The following CROCC2 variants were observed in gnomAD, a reference collection of about 807,000 sequenced individuals.
CROCC2 encodes the protein ciliary rootlet coiled-coil protein 2.
A neutral mutation model predicts 177.6 loss-of-function variants in CROCC2; 163 were observed. The ratio of observed to expected loss-of-function variants is 0.92; its 90% confidence interval spans 0.81 to 1.05. The LOEUF is 1.05. CROCC2 is among the 50% of genes least tolerant of loss of function. CROCC2 has a pLI of 0.00. For missense variants in CROCC2, 1,929 were observed against 1,797.8 expected, an observed-to-expected ratio of 1.07 and a Z score of -1.32; for synonymous variants, 904 against 787.3, an observed-to-expected ratio of 1.15 and a Z score of -2.48.
At chr2:240,987,761 C>A (rs959126010) in intron 28 of CROCC2, among the ~76,000 whole-genome samples, 1 of 152,188 alleles carries the variant, frequency 6.6e-6, no homozygotes, top group Non-Finnish European at 1.5e-5. Context: ...AGGCTGTCAC[C>A]CCTGTGGACA....
In CROCC2 at chr2:240,983,605, A is replaced by G. The variant is rs1160963019; in HGVS notation, c.4551+576A>G. On this transcript the variant is annotated intron_variant, in intron 28 of 31. Coordinates refer to ENST00000690015, the MANE Select transcript of CROCC2 (RefSeq NM_001351305.2). ...TAGGCGGCAGCGGTGGTCCTTAGAGAGGAAGGAGGAGCTCCTGGCTGGGGT... is the reference window on the plus strand; with the variant it reads ...TAGGCGGCAGCGGTGGTCCTTAGAGGGGAAGGAGGAGCTCCTGGCTGGGGT... The G allele has an allele frequency of 3.9e-6, 5 of 1,284,028 alleles. No homozygotes were observed. The Admixed American group carries it at 6.9e-5, about 18-fold the overall frequency. The allele number at this position is 1,284,028 out of a possible 1,614,324, so 79.5% of individuals were successfully genotyped here. A position where few individuals can be genotyped will look rare whatever the true frequency, so the allele number is the denominator to read the frequency against.
intron 2 of CROCC2, among the ~76,000 whole-genome samples, chr2:240,919,737 T>C (rs1410413344): frequency 7.8e-6 from 1 of 128,136 alleles, no homozygotes; most frequent in Non-Finnish European, 1.6e-5. Context: ...TGGGCCTGGG[T>C]CTGCATTGGG....
intron 7 of CROCC2, among the ~76,000 whole-genome samples, 174 bp downstream of exon 7, chr2:240,931,302 G>A (rs1394471730): frequency 2.6e-5 from 4 of 152,222 alleles, no homozygotes; most frequent in Non-Finnish European, 5.9e-5. Flanking sequence ...TGGCTGCAGG[G>A]CACTCCCCTA....
chr2:240,933,466 C>T (rs941645364), intron 10 of CROCC2, 124 bp downstream of exon 10: 3 of 1,168,804 alleles, frequency 2.6e-6, no homozygotes, highest in African/African-American at 3.1e-5. Context: ...GGGTCCTTGC[C>T]TTCTAGCAGA....
intron 18 of CROCC2, among the ~76,000 whole-genome samples, chr2:240,952,765 T>C (rs1327009505): frequency 2.0e-5 from 3 of 152,076 alleles, no homozygotes; most frequent in Non-Finnish European, 4.4e-5. Flanking sequence ...AGCCAGTGGA[T>C]GTTCTTGAGC....
At chr2:240,957,129 T>C (rs1407111919) in intron 19 of CROCC2, among the ~76,000 whole-genome samples, 1 of 152,110 alleles carries the variant, frequency 6.6e-6, no homozygotes, top group Non-Finnish European at 1.5e-5. Flanking sequence ...CTCCTCTCCT[T>C]GCCAGGAACA....
At chr2:240,916,492 C>T (rs1294881503) in intron 1 of CROCC2, among the ~76,000 whole-genome samples, 2 of 99,518 alleles carry the variant, frequency 2.0e-5, no homozygotes, top group African/African-American at 8.0e-5. Flanking sequence ...CCCCCGCGCC[C>T]CCTGCGCTCC....
At chr2:240,919,677 A>G in intron 2 of CROCC2, among the ~76,000 whole-genome samples, 1 of 152,074 alleles carries the variant, frequency 6.6e-6, no homozygotes, top group East Asian at 1.9e-4. Context: ...GCGAGTGCCC[A>G]GCGTCCAGGC....
Position 240,917,010 on chromosome 2 carries a change from C to T in CROCC2, c.79-1716C>T, listed in dbSNP as rs2059325394. On this transcript the variant is annotated intron_variant, in intron 1 of 31. Transcript: ENST00000690015. This position sits in a 1 kb window ranked among gnomAD's most constrained non-coding sequence, Gnocchi z 4.9. The stretch of plus-strand genomic sequence containing the variant: ...GGAGGAGGAGCAGGGACTTCCCTCC[C>T]CCTCCCCCACTGGGCTGCTGCTCCC... 6.6e-6 allele frequency among the ~76,000 whole-genome samples: 1 copy of T among 152,172 alleles called. No homozygotes were observed. Among genetic ancestry groups the T allele is most frequent in the Non-Finnish European group, 1.5e-5 (1 of 67,994 alleles).
At chr2:240,922,742 T>C in intron 4 of CROCC2, 97 bp downstream of exon 4, 1 of 480,304 alleles carries the variant, frequency 2.1e-6, no homozygotes, top group African/African-American at 2.0e-5. Context: ...CTGACAGCTC[T>C]TCCCAAAGCA....
intron 1 of CROCC2, among the ~76,000 whole-genome samples, chr2:240,907,797 T>C (rs2059266407): frequency 1.5e-5 from 2 of 133,186 alleles, no homozygotes; most frequent in African/African-American, 5.7e-5. Context: ...CCACCTGGGG[T>C]GAGCTCTACC....
intron 31 of CROCC2, 68 bp from the exon 32 acceptor site, chr2:240,992,998 C>G (rs1377880113): frequency 1.4e-6 from 1 of 707,652 alleles, no homozygotes; most frequent in Non-Finnish European, 2.6e-6. Flanking sequence ...CTCCAGCCCC[C>G]GGCAGCAGGA....
chr2:240,926,913 G>A (rs572407833), intron 5 of CROCC2, among the ~76,000 whole-genome samples: 2 of 152,382 alleles, frequency 1.3e-5, no homozygotes, highest in Admixed American at 1.3e-4. Context: ...TGTTCCCACT[G>A]CCTGGTCCCT....
chr2:240,960,915 C>CAGGGGG lies in CROCC2; in HGVS notation c.3087+1487_3087+1492dup, dbSNP rs1366047016. Among the ~76,000 whole-genome samples, 3 of 62,752 alleles carry CAGGGGG rather than the reference C, an allele frequency of 4.8e-5. No homozygotes were observed. The highest frequency in any genetic ancestry group is 2.0e-4 in the African/African-American group (3 of 15,250). 41.2% of individuals were successfully genotyped at this position (62,752 alleles called of 152,430 possible). On this transcript the variant is annotated intron_variant, in intron 20 of 31. Coordinates refer to ENST00000690015, the MANE Select transcript of CROCC2 (RefSeq NM_001351305.2). The surrounding 1 kb of genome is among the most constrained non-coding windows in gnomAD (Gnocchi z 5.0). ...AACGAGATTGCAAAACTGGGGGCAG[C>CAGGGGG]AGGGGGAGGGGGAGGGGGAGGTGTG...
intron 5 of CROCC2, among the ~76,000 whole-genome samples, chr2:240,928,772 C>A (rs915248074): frequency 6.6e-6 from 1 of 151,550 alleles, no homozygotes; most frequent in Non-Finnish European, 1.5e-5. Context: ...AGCACGCCCT[C>A]GGAGGGCGTG....
At position 240,906,609 on chromosome 2, in the gene CROCC2, T is replaced by C. The variant is rs1179955723; in HGVS notation, c.78+18T>C. ...TGATCCAGGTCAGTGGGGTGGTCAC[T>C]TCCCTGCACCCTCCTGAGAGCAGGT... On this transcript the variant is annotated intron_variant, in intron 1 of 31. Coordinates refer to ENST00000690015, the MANE Select transcript of CROCC2 (RefSeq NM_001351305.2). 3 of 398,886 alleles carry C rather than the reference T, an allele frequency of 7.5e-6. No homozygotes were observed. Among genetic ancestry groups the C allele is most frequent in the Non-Finnish European group, 8.8e-6 (2 of 226,046 alleles). 24.7% of individuals were successfully genotyped at this position (398,886 alleles called of 1,614,324 possible). A position where few individuals can be genotyped will look rare whatever the true frequency, so the allele number is the denominator to read the frequency against.
At chr2:240,950,822 CCCAT>C in intron 18 of CROCC2, 1 of 309,978 alleles carries the variant, frequency 3.2e-6, no homozygotes. Flanking sequence ...CACCCACCTA[CCCAT>C]CCATCCACCC....
chr2:240,984,598 CCACACACACCCAGGCACTCACTCCA>C (rs2059824145), intron 28 of CROCC2, among the ~76,000 whole-genome samples: 1 of 24,522 alleles, frequency 4.1e-5, no homozygotes, highest in Non-Finnish European at 6.5e-5. Context: ...GGCACTCACT[CCACACACACCCAGGCACTCACTCCA>C]CACACACACC....
Position 240,965,979 on chromosome 2 carries a change from G to A in CROCC2, c.3947G>A (p.Gly1316Asp). The A allele has an allele frequency of 7.3e-7, 1 of 1,369,568 alleles. No homozygotes were observed. Among genetic ancestry groups the A allele is most frequent in the Non-Finnish European group, 9.4e-7 (1 of 1,068,412 alleles). The allele number at this position is 1,369,568 out of a possible 1,614,324, so 84.8% of individuals were successfully genotyped here. A position where few individuals can be genotyped will look rare whatever the true frequency, so the allele number is the denominator to read the frequency against. Residue 1316 changes from glycine (G) to aspartate (D), a missense_variant, in exon 24 of 32, where the codon GGT (glycine) becomes GAT (aspartate). Coordinates refer to ENST00000690015, the MANE Select transcript of CROCC2 (RefSeq NM_001351305.2). ...QSPWASPEQP[G>D]SPTKGSDSSQ... Reference sequence around the variant, plus strand: ...CCGTGGGCCTCCCCGGAGCAGCCTGGTTCCCCCACCAAAGGTCAGAGTCCT... The same window carrying A: ...CCGTGGGCCTCCCCGGAGCAGCCTGATTCCCCCACCAAAGGTCAGAGTCCT...
Sources: gnomAD v4.1 joint callset for allele counts (sites outside exome capture counted in the v4.1 genomes callset) on GRCh38, gnomAD v4.1.1 for gene constraint, Gnocchi (gnomAD v3.1) non-coding constraint, MANE v1.5 for transcripts, NCBI Gene and HGNC (gene_info 2026-07-23, HGNC 2026-07-21) for gene names.